FGF13: variants seen among roughly 807,000 people sequenced by gnomAD.
FGF13 encodes fibroblast growth factor homologous factor 2.
Under a neutral mutation model 19.5 loss-of-function variants are expected in FGF13, and 2 were observed. The observed-to-expected ratio is 0.10, with a 90% confidence interval of 0.04 to 0.32. FGF13 has a LOEUF of 0.32. Among genes scored for constraint, FGF13 ranks in the 10% least tolerant of loss-of-function variants. The pLI, the probability that FGF13 is intolerant of heterozygous loss-of-function variation, is 1.00. For missense variants in FGF13, 113 were observed against 192.7 expected (o/e 0.59, Z 2.45); for synonymous variants, 72 against 76.9 (o/e 0.94, Z 0.33).
chrX:138,842,342 C>G (rs1185517538), intron 3 of FGF13, among the ~76,000 whole-genome samples: 1 of 111,209 alleles, frequency 9.0e-6, no homozygotes, highest in Non-Finnish European at 1.9e-5. Flanking sequence ...GAAGCAGCCT[C>G]AGTTTTCTTA....
intron 1 of FGF13, among the ~76,000 whole-genome samples, chrX:139,062,352 C>A (rs2092339220): frequency 8.9e-6 from 1 of 111,772 alleles, no homozygotes; most frequent in African/African-American, 3.3e-5. Context: ...GCTCCTTTAT[C>A]AAAAATGAAT....
chrX:139,141,110 C>A (rs963206077), intron 1 of FGF13, among the ~76,000 whole-genome samples: 10 of 107,716 alleles, frequency 9.3e-5, no homozygotes, highest in Non-Finnish European at 1.7e-4. Context: ...TGTACACACA[C>A]ACACACACAC....
At chrX:139,015,224 G>A (rs2092147939) in intron 1 of FGF13, among the ~76,000 whole-genome samples, 1 of 111,108 alleles carries the variant, frequency 9.0e-6, no homozygotes, top group Non-Finnish European at 1.9e-5. Context: ...AGAGCAATCA[G>A]ACGAGAGAAA....
At chrX:138,925,942 G>A (rs2091671363) in intron 1 of FGF13, among the ~76,000 whole-genome samples, 1 of 111,893 alleles carries the variant, frequency 8.9e-6, no homozygotes, top group African/African-American at 3.3e-5. Flanking sequence ...CAATGGTCAT[G>A]GAAATCTGGT....
At chrX:139,113,956 G>A (rs768023569) in intron 1 of FGF13, among the ~76,000 whole-genome samples, 1 of 111,784 alleles carries the variant, frequency 8.9e-6, no homozygotes, top group South Asian at 3.7e-4. Context: ...AAGTGACTTC[G>A]GATTCTCTTA....
At chrX:139,200,907 C>A (rs746800301) in intron 1 of FGF13, among the ~76,000 whole-genome samples, 91 of 112,185 alleles carry the variant, frequency 8.1e-4, no homozygotes, top group African/African-American at 2.7e-3. Context: ...AAGAGTGAGT[C>A]AAAGCTAAGA....
intron 1 of FGF13, among the ~76,000 whole-genome samples, chrX:139,150,060 G>C (rs991834686): frequency 9.0e-6 from 1 of 111,619 alleles, no homozygotes; most frequent in African/African-American, 3.3e-5. Context: ...TACAGGGTTG[G>C]CTAATTCTCT....
At chrX:138,993,815 A>T (rs187744503) in intron 1 of FGF13, among the ~76,000 whole-genome samples, 1 of 111,583 alleles carries the variant, frequency 9.0e-6, no homozygotes, top group Non-Finnish European at 1.9e-5. Context: ...TAAGTGACAC[A>T]CTGTGTTGTC....
At position 138,857,768 on chromosome X, in the gene FGF13, T is replaced by TA. The variant is rs1171657510; in HGVS notation, c.-38-90dup. On this transcript the variant is annotated intron_variant, in intron 2 of 2. Transcript: ENST00000421460. ...AATCAAATATACTCCCAGGGAAGAC[T>TA]AAAGAAACAACAGCCCTAAGAAAAG... is the stretch of plus-strand genomic sequence containing the variant. 3.8e-6 allele frequency: 3 copies of TA among 791,158 alleles called. No homozygotes were observed. In the African/African-American group the frequency reaches 6.4e-5, roughly 17 times the overall value. The allele number at this position is 791,158 out of a possible 1,213,427, so 65.2% of individuals were successfully genotyped here.
chrX:138,797,800 A>C (rs1569397401), intron 3 of FGF13, among the ~76,000 whole-genome samples: 3 of 110,763 alleles, frequency 2.7e-5, no homozygotes, highest in Non-Finnish European at 5.7e-5. Context: ...TTTTATTCCT[A>C]GGTATTTTAT....
intron 1 of FGF13, among the ~76,000 whole-genome samples, chrX:138,914,509 C>T (rs2091608017): frequency 9.0e-6 from 1 of 110,711 alleles, no homozygotes; most frequent in South Asian, 3.9e-4. Flanking sequence ...GCATGGGAAA[C>T]ATTCATCTCT....
chrX:138,662,190 G>A (rs2089496507), intron 3 of FGF13, among the ~76,000 whole-genome samples: 1 of 111,567 alleles, frequency 9.0e-6, no homozygotes, highest in Admixed American at 9.5e-5. Flanking sequence ...CTATAGGACT[G>A]GCATTGAGTG....
Position 138,912,115 on chromosome X carries a change from T to C in FGF13, c.-112-47465A>G, listed in dbSNP as rs184544329. 2.7e-5 allele frequency among the ~76,000 whole-genome samples: 3 copies of C among 111,464 alleles called. No individual in the cohort carries two copies. In the East Asian group the frequency reaches 8.5e-4, roughly 32 times the overall value. On this transcript the variant is annotated intron_variant, in intron 1 of 2. Coordinates refer to the FGF13 transcript ENST00000421460. The stretch of plus-strand genomic sequence containing the variant: ...AAACCAGACAAATTCTGACCTGAAA[T>C]CCATAATTCCTTTAAAATCCTTCTG...
intron 3 of FGF13, among the ~76,000 whole-genome samples, chrX:138,830,122 T>C (rs1162588313): frequency 8.9e-6 from 1 of 112,448 alleles, no homozygotes; most frequent in Non-Finnish European, 1.9e-5. Flanking sequence ...AATGTTGTTA[T>C]AACAAATTCC....
At chrX:138,830,667 T>C (rs2091064653) in intron 3 of FGF13, among the ~76,000 whole-genome samples, 1 of 94,220 alleles carries the variant, frequency 1.1e-5, no homozygotes, top group Non-Finnish European at 2.2e-5. Flanking sequence ...CCTGGCCATG[T>C]AAAGAGTGAA....
chrX:138,888,682 C>A (rs1035393609), intron 1 of FGF13, among the ~76,000 whole-genome samples: 5 of 105,210 alleles, frequency 4.8e-5, no homozygotes, highest in Admixed American at 3.1e-4. Flanking sequence ...TCTACCTGCT[C>A]ATAGGACCAA....
At chrX:138,939,650 T>C (rs1420355337) in intron 1 of FGF13, among the ~76,000 whole-genome samples, 2 of 111,594 alleles carry the variant, frequency 1.8e-5, no homozygotes, top group African/African-American at 6.5e-5. Context: ...AGCTCCCACT[T>C]ATAAGTGAGA....
chrX:138,956,797 G>C (rs1177018622), intron 1 of FGF13, among the ~76,000 whole-genome samples: 1 of 111,533 alleles, frequency 9.0e-6, no homozygotes, highest in Non-Finnish European at 1.9e-5. Flanking sequence ...ATGATCTGTA[G>C]GGTTGTCCAA....
At chrX:139,199,524 G>C (rs913643368) in intron 1 of FGF13, among the ~76,000 whole-genome samples, 1 of 112,085 alleles carries the variant, frequency 8.9e-6, no homozygotes, top group Admixed American at 9.5e-5. Context: ...AAGAGACCTG[G>C]AACGCTGTTT....
Sources: gnomAD v4.1 joint callset for allele counts (sites outside exome capture counted in the v4.1 genomes callset) on GRCh38, gnomAD v4.1.1 for gene constraint, MANE v1.5 for transcripts, NCBI Gene and HGNC (gene_info 2026-07-23, HGNC 2026-07-21) for gene names.